Variants in EXTL3 observed in about 807,000 individuals in gnomAD.
EXTL3 encodes the protein exostosin like glycosyltransferase 3.
EXTL3 carries 27 observed loss-of-function variants against 69.3 expected under a neutral mutation model. The ratio of observed to expected loss-of-function variants is 0.39; its 90% CI spans 0.29 to 0.54. EXTL3 has a LOEUF of 0.54. Among genes scored for constraint, EXTL3 ranks in the 20% least tolerant of loss-of-function variants. The pLI is 0.69. For missense variants in EXTL3, 1,003 were observed against 1,231.8 expected, an observed-to-expected ratio of 0.81 and a Z score of 2.78; for synonymous variants, 511 against 499.4, an observed-to-expected ratio of 1.02 and a Z score of -0.31.
At chr8:28,628,731 G>A (rs1050541094) in intron 1 of EXTL3, among the ~76,000 whole-genome samples, 1 of 152,126 alleles carries the variant, frequency 6.6e-6, no homozygotes, top group Non-Finnish European at 1.5e-5. Flanking sequence ...TCTGCTCACT[G>A]TAACCTCTGC....
rs1490602511 is a variant in EXTL3 at position 28,715,990 on chromosome 8, T to C, written c.-70T>C. Reference sequence around the variant, plus strand: ...ACGTGTCAGTGAAACAGAGATCGTTTTGTGGAATAGCAACCCATGGTTATG... The same window carrying C: ...ACGTGTCAGTGAAACAGAGATCGTTCTGTGGAATAGCAACCCATGGTTATG... On this transcript the variant is annotated 5_prime_UTR_variant, in exon 3 of 7. Transcript: ENST00000220562. 7 of 1,291,806 alleles carry C rather than the reference T, an allele frequency of 5.4e-6. No homozygotes were observed. The highest frequency in any genetic ancestry group is 7.6e-6 in the Non-Finnish European group (7 of 918,196). The allele number at this position is 1,291,806 out of a possible 1,614,324, so 80.0% of individuals were successfully genotyped here.
chr8:28,625,763 C>T (rs919027344), intron 1 of EXTL3, among the ~76,000 whole-genome samples: 1 of 151,824 alleles, frequency 6.6e-6, no homozygotes, highest in Non-Finnish European at 1.5e-5. Flanking sequence ...GCTATCGGAC[C>T]TCTGAAAAAA....
chr8:28,645,419 A>G (rs60471470), intron 1 of EXTL3, among the ~76,000 whole-genome samples: 4,017 of 152,290 alleles, frequency 0.026, 129 homozygotes, highest in African/African-American at 0.079. Flanking sequence ...AGTACAATGG[A>G]ATTCCTCTGT....
At chr8:28,695,943 G>A (rs1324777039) in intron 1 of EXTL3, among the ~76,000 whole-genome samples, 2 of 152,030 alleles carry the variant, frequency 1.3e-5, no homozygotes, top group African/African-American at 2.4e-5. Context: ...TTTAAGACAT[G>A]GTCTCGCTTT....
At chr8:28,695,190 C>T (rs867564632) in intron 1 of EXTL3, among the ~76,000 whole-genome samples, 4 of 144,916 alleles carry the variant, frequency 2.8e-5, no homozygotes, top group South Asian at 2.2e-4. Flanking sequence ...AGTGCAGTGG[C>T]GGCATCTTGG....
chr8:28,738,841 A>G (rs1410688352), intron 5 of EXTL3, among the ~76,000 whole-genome samples: 5 of 152,270 alleles, frequency 3.3e-5, no homozygotes, highest in East Asian at 1.9e-4. Flanking sequence ...TCTTGCTGCC[A>G]TCAACCAGCC....
At chr8:28,617,102 GGT>G (rs1303462546) in intron 2 of EXTL3, among the ~76,000 whole-genome samples, 1 of 152,168 alleles carries the variant, frequency 6.6e-6, no homozygotes, top group African/African-American at 2.4e-5. Flanking sequence ...CCAAGTATGT[GGT>G]GTGTCTGTGG....
In EXTL3 at chr8:28,627,677, G is replaced by GGCT. The variant is rs146260719; in HGVS notation, c.-53+4873_-53+4875dup. ...AAGTTCTTTACAGTAGCCAAAAGGT[G>GGCT]GCTGCTGCCTCAGTGTTCATGGACA... On this transcript the variant is annotated intron_variant, in intron 1 of 6. Coordinates refer to the EXTL3 transcript ENST00000523149. 2.5e-3 allele frequency among the ~76,000 whole-genome samples: 379 copies of GGCT among 152,254 alleles called. 4 individuals carry two copies. The East Asian group carries it at 0.032, about 13-fold the overall frequency.
chr8:28,618,703 C>T (rs977232726), upstream of EXTL3, among the ~76,000 whole-genome samples: 1 of 152,108 alleles, frequency 6.6e-6, no homozygotes, highest in Admixed American at 6.6e-5. Context: ...GAGAGAACCC[C>T]GCAGGGTCAG....
intron 2 of EXTL3, among the ~76,000 whole-genome samples, chr8:28,615,660 T>C (rs1304878075): frequency 2.0e-5 from 3 of 152,066 alleles, no homozygotes; most frequent in Non-Finnish European, 4.4e-5. Flanking sequence ...CTCCACCTCC[T>C]GGGTTCAAGA....
intron 1 of EXTL3, among the ~76,000 whole-genome samples, chr8:28,710,005 C>G (rs1414320427): frequency 6.6e-6 from 1 of 152,196 alleles, no homozygotes; most frequent in African/African-American, 2.4e-5. Flanking sequence ...CAGATGGCGA[C>G]TTCTGCTTTG....
At position 28,746,671 on chromosome 8, in the gene EXTL3, TA is replaced by T. The variant is rs764382035; in HGVS notation, c.2550+3460del. 1.4e-4 allele frequency among the ~76,000 whole-genome samples: 21 copies of T among 146,826 alleles called. No individual in the cohort carries two copies. The East Asian group carries it at 2.9e-3, about 20-fold the overall frequency. The stretch of plus-strand genomic sequence containing the variant: ...TACAAATATATTGGGGATGCAGTCT[TA>T]AATGGTTTTTTGTTTCTTTTTTGAG... On this transcript the variant is annotated intron_variant, in intron 6 of 6. Coordinates refer to ENST00000220562, the MANE Select transcript of EXTL3 (RefSeq NM_001440.4).
intron 1 of EXTL3, among the ~76,000 whole-genome samples, chr8:28,706,438 T>G (rs1038516294): frequency 6.6e-6 from 1 of 152,210 alleles, no homozygotes; most frequent in Non-Finnish European, 1.5e-5. Flanking sequence ...AAATCTTTTT[T>G]CTCACTCATG....
At chr8:28,614,357 ACTGC>A (rs1162859671) in intron 2 of EXTL3, among the ~76,000 whole-genome samples, 3 of 137,674 alleles carry the variant, frequency 2.2e-5, no homozygotes, top group Admixed American at 1.6e-4. Context: ...CACTGCAACC[ACTGC>A]CTCCCAGGTT....
At chr8:28,730,490 T>A (rs1346271706) in intron 3 of EXTL3, among the ~76,000 whole-genome samples, 1 of 146,600 alleles carries the variant, frequency 6.8e-6, no homozygotes, top group African/African-American at 2.8e-5. Flanking sequence ...AAACTATACT[T>A]AACTGAGATA....
intron 1 of EXTL3, chr8:28,631,411 C>G (rs1806568666): frequency 6.6e-6 from 1 of 152,132 alleles, no homozygotes. Flanking sequence ...TCAGAAGAAC[C>G]TGGAGAAGTG....
At chr8:28,690,340 G>A (rs1398076597) in intron 1 of EXTL3, among the ~76,000 whole-genome samples, 1 of 152,048 alleles carries the variant, frequency 6.6e-6, no homozygotes, top group Non-Finnish European at 1.5e-5. Flanking sequence ...AGCCTCTCAA[G>A]TAGCTGGGAT....
intron 1 of EXTL3, among the ~76,000 whole-genome samples, chr8:28,694,330 C>T (rs1311987119): frequency 2.6e-5 from 4 of 152,216 alleles, no homozygotes; most frequent in Admixed American, 6.5e-5. Context: ...ATACCTCAAA[C>T]GATAATTCCC....
intron 1 of EXTL3, among the ~76,000 whole-genome samples, chr8:28,695,077 T>C (rs1170294698): frequency 1.3e-5 from 2 of 152,032 alleles, no homozygotes; most frequent in African/African-American, 4.8e-5. Flanking sequence ...TGCAGGGTCA[T>C]GTTTGGTGGC....
Sources: allele counts gnomAD v4.1 joint callset (sites outside exome capture counted in the v4.1 genomes callset), GRCh38; gene constraint gnomAD v4.1.1; transcripts MANE v1.5; gene names NCBI Gene and HGNC (gene_info 2026-07-23, HGNC 2026-07-21).